Variants in FGF2 observed in about 807,000 individuals in gnomAD.
FGF2 encodes fibroblast growth factor 2.
FGF2 carries 13 observed loss-of-function variants against 15.9 expected under a neutral mutation model. The observed-to-expected ratio is 0.82, with a 90% CI of 0.53 to 1.30. The LOEUF (loss-of-function observed/expected upper bound fraction) is 1.30. Ranked by LOEUF, FGF2 falls within the 50% of genes most tolerant of loss-of-function variation. FGF2 has a pLI of 0.00. For synonymous variants in FGF2, 90 were observed against 78.4 expected (o/e 1.15, Z -0.78); for missense variants, 163 against 196.9 (o/e 0.83, Z 1.03).
intron 1 of FGF2, among the ~76,000 whole-genome samples, chr4:122,832,083 A>G (rs2150761164): frequency 6.6e-6 from 1 of 152,244 alleles, no homozygotes; most frequent in African/African-American, 2.4e-5. Flanking sequence ...TGGTAATTAC[A>G]CATGTGCTGT....
intron 2 of FGF2, chr4:122,884,813 A>T (rs557774051): frequency 6.6e-6 from 1 of 152,398 alleles, no homozygotes; most frequent in East Asian, 1.9e-4. Context: ...TTGGGGTGAG[A>T]GGAGGTGCTG....
chr4:122,873,556 C>T (rs915793331), intron 1 of FGF2, among the ~76,000 whole-genome samples: 1 of 152,162 alleles, frequency 6.6e-6, no homozygotes, highest in East Asian at 1.9e-4. Context: ...CCATTTTTGG[C>T]AAGTTTATTC....
chr4:122,827,021 C>T lies in FGF2; in HGVS notation c.-154C>T. ...CGAGCGGCTCGAGGCTGGGGGACCGCGGGCGCGGCCGCGCGCTGCCGGGCG... is the reference window on the plus strand; with the variant it reads ...CGAGCGGCTCGAGGCTGGGGGACCGTGGGCGCGGCCGCGCGCTGCCGGGCG... On this transcript the variant is annotated 5_prime_UTR_variant, in exon 1 of 3. Transcript: ENST00000644866. The surrounding 1 kb of genome is among the most constrained non-coding windows in gnomAD (Gnocchi z 4.2). 1 of 1,193,674 alleles carries T rather than the reference C, an allele frequency of 8.4e-7. No homozygotes were observed. Among genetic ancestry groups the T allele is most frequent in the Non-Finnish European group, 1.0e-6 (1 of 964,308 alleles). The allele number at this position is 1,193,674 out of a possible 1,614,324, so 73.9% of individuals were successfully genotyped here.
chr4:122,840,630 A>G (rs555869570), intron 1 of FGF2: 14 of 185,330 alleles, frequency 7.6e-5, no homozygotes, highest in African/African-American at 3.3e-4. Context: ...CGAACCAAAT[A>G]CCCCGATCCC....
At chr4:122,836,968 C>T (rs2150763738) in intron 1 of FGF2, among the ~76,000 whole-genome samples, 1 of 152,266 alleles carries the variant, frequency 6.6e-6, no homozygotes, top group Middle Eastern at 3.4e-3. Flanking sequence ...GAACGCAGAC[C>T]TGGGAATTCA....
intron 1 of FGF2, among the ~76,000 whole-genome samples, chr4:122,875,347 C>G (rs776925708): frequency 9.2e-5 from 14 of 151,782 alleles, no homozygotes; most frequent in Middle Eastern, 6.8e-3. Context: ...TTTCATCACA[C>G]TTATTTTATG....
At chr4:122,871,545 T>C (rs1369746244) in intron 1 of FGF2, among the ~76,000 whole-genome samples, 1 of 151,352 alleles carries the variant, frequency 6.6e-6, no homozygotes, top group African/African-American at 2.4e-5. Context: ...CCCAATTGGG[T>C]GAGACCCTCT....
intron 1 of FGF2, among the ~76,000 whole-genome samples, chr4:122,841,553 A>G (rs1426357729): frequency 6.6e-6 from 1 of 152,266 alleles, no homozygotes; most frequent in African/African-American, 2.4e-5. Context: ...ATGATTTAAT[A>G]TCACTTTTAA....
chr4:122,832,634 G>C (rs574644424), intron 1 of FGF2, among the ~76,000 whole-genome samples: 1 of 152,266 alleles, frequency 6.6e-6, no homozygotes, highest in Non-Finnish European at 1.5e-5. Flanking sequence ...CCTTTTCTGT[G>C]CTCTGAAATT....
intron 2 of FGF2, among the ~76,000 whole-genome samples, chr4:122,888,179 T>G (rs1466216320): frequency 6.6e-6 from 1 of 152,196 alleles, no homozygotes; most frequent in African/African-American, 2.4e-5. Flanking sequence ...TTCAGTGCCA[T>G]TCTTAATTCC....
intron 1 of FGF2, among the ~76,000 whole-genome samples, chr4:122,859,504 C>T (rs1030487360): frequency 6.6e-6 from 1 of 152,102 alleles, no homozygotes; most frequent in Admixed American, 6.6e-5. Flanking sequence ...CATACTTGCC[C>T]TCTTCTAGAT....
chr4:122,854,841 C>T (rs1002058259), intron 1 of FGF2, among the ~76,000 whole-genome samples: 10 of 152,072 alleles, frequency 6.6e-5, no homozygotes, highest in Non-Finnish European at 1.0e-4. Flanking sequence ...TTGTCTTAAG[C>T]CTGCTTTGAA....
At chr4:122,850,188 G>T (rs1212661961) in intron 1 of FGF2, among the ~76,000 whole-genome samples, 3 of 151,944 alleles carry the variant, frequency 2.0e-5, no homozygotes, top group Non-Finnish European at 4.4e-5. Context: ...CTTGAACCTG[G>T]GAGGCGGAGG....
chr4:122,858,238 AAAAG>A, intron 1 of FGF2, among the ~76,000 whole-genome samples: 1 of 152,296 alleles, frequency 6.6e-6, no homozygotes, highest in South Asian at 2.1e-4. Context: ...AAATAGTAAA[AAAAG>A]AAAGTTTACT....
intron 1 of FGF2, among the ~76,000 whole-genome samples, chr4:122,841,030 G>T (rs74486747): frequency 6.0e-4 from 91 of 152,298 alleles, no homozygotes; most frequent in African/African-American, 2.2e-3. Flanking sequence ...AGTAACTAGG[G>T]TGCTACAATG....
intron 2 of FGF2, among the ~76,000 whole-genome samples, chr4:122,878,522 T>C (rs1578476466): frequency 6.6e-6 from 1 of 152,276 alleles, no homozygotes; most frequent in East Asian, 1.9e-4. Flanking sequence ...GGGAGGTAGA[T>C]AGACTGTCTG....
Position 122,894,605 on chromosome 4 carries a change from CT to C in FGF2, c.*2211del. The C allele has an allele frequency of 6.6e-6, 1 of 151,616 alleles. No homozygotes were observed. 9.4% of individuals were successfully genotyped at this position (151,616 alleles called of 1,614,324 possible). ...TTGTCTCAAAAAAAGAGAAATTTTC[CT>C]TAATAAGAAAAGTAATTTTTACTCT... On this transcript the variant is annotated 3_prime_UTR_variant, in exon 3 of 3. Transcript: ENST00000644866.
Position 122,892,887 on chromosome 4 carries a change from A to T in FGF2, c.*491A>T. 1.2e-6 allele frequency: 2 copies of T among 1,613,484 alleles called. No homozygotes were observed. Among genetic ancestry groups the T allele is most frequent in the Non-Finnish European group, 1.7e-6 (2 of 1,179,518 alleles). The stretch of plus-strand genomic sequence containing the variant: ...GGCAGTTCCTTATGATAGAGTTTAT[A>T]AAACAGTCCTGTGTAAACTGCTGGA... On this transcript the variant is annotated 3_prime_UTR_variant, in exon 3 of 3. Transcript: ENST00000644866.
chr4:122,895,822 A>G lies in FGF2; in HGVS notation c.*3426A>G, dbSNP rs956271000. ...TTAACTAGGGTTTACTGTTTGAGCC[A>G]ATATAAATGTTTAACTGTTTGTGAT... On this transcript the variant is annotated 3_prime_UTR_variant, in exon 3 of 3. Coordinates refer to ENST00000644866, the MANE Select transcript of FGF2 (RefSeq NM_001361665.2). 1 of 152,256 alleles carries G rather than the reference A, an allele frequency of 6.6e-6. No individual in the cohort carries two copies. The highest frequency in any genetic ancestry group is 2.4e-5 in the African/African-American group (1 of 41,480). 9.4% of individuals were successfully genotyped at this position (152,256 alleles called of 1,614,324 possible).
Sources: gnomAD v4.1 joint callset for allele counts (sites outside exome capture counted in the v4.1 genomes callset) on GRCh38, gnomAD v4.1.1 for gene constraint, Gnocchi (gnomAD v3.1) non-coding constraint, MANE v1.5 for transcripts, NCBI Gene and HGNC (gene_info 2026-07-23, HGNC 2026-07-21) for gene names.